The following ATF7IP variants were observed in gnomAD, a reference collection of about 807,000 sequenced individuals.
The protein encoded by ATF7IP is activating transcription factor 7-interacting protein 1.
Under a neutral mutation model 106.4 loss-of-function variants are expected in ATF7IP, and 23 were observed. That is an observed-to-expected ratio of 0.22 (90% CI 0.16 to 0.31). ATF7IP has a LOEUF of 0.31. ATF7IP is among the 10% of genes least tolerant of loss of function. ATF7IP has a pLI of 1.00. For missense variants in ATF7IP, 1,334 were observed against 1,524.3 expected, an observed-to-expected ratio of 0.88 and a Z score of 2.08; for synonymous variants, 542 against 539.0, an observed-to-expected ratio of 1.01 and a Z score of -0.08.
At chr12:14,466,928 T>C (rs146901393) in intron 10 of ATF7IP, among the ~76,000 whole-genome samples, 90 of 152,250 alleles carry the variant, frequency 5.9e-4, no homozygotes, top group African/African-American at 2.1e-3. Context: ...TCCAGGTACA[T>C]CTTTTTTAAG....
chr12:14,474,403 ATTTT>A (rs764191499), intron 10 of ATF7IP, among the ~76,000 whole-genome samples: 1 of 129,058 alleles, frequency 7.7e-6, no homozygotes. Flanking sequence ...AATTCTTTGA[ATTTT>A]TTTTTTTTTT....
At chr12:14,470,843 TAATA>T (rs1565540571) in intron 10 of ATF7IP, among the ~76,000 whole-genome samples, 3 of 152,220 alleles carry the variant, frequency 2.0e-5, no homozygotes, top group Non-Finnish European at 1.5e-5. Context: ...TAGTATATGA[TAATA>T]AATTGTATCT....
chr12:14,425,134 G>T lies in ATF7IP; in HGVS notation c.1219G>T (p.Val407Leu), dbSNP rs767910477. The T allele has an allele frequency of 6.3e-7, 1 of 1,592,866 alleles. No individual in the cohort carries two copies. ...KNEDETSADL[V>L]ETINENVIED... ...TGAAGATGAAACTTCTGCAGATCTT[G>T]TAGAAACGATTAATGAAAATGTTAT... Residue 407 changes from valine (V) to leucine (L), a missense_variant, in exon 2 of 15, where the codon GTA becomes TTA. This residue lies in a region of ATF7IP where 438 missense variants were observed against 405.3 expected (regional missense o/e 1.08). Coordinates refer to ENST00000261168, the MANE Select transcript of ATF7IP (RefSeq NM_018179.5).
intron 2 of ATF7IP, among the ~76,000 whole-genome samples, chr12:14,432,419 CAA>C (rs910303401): frequency 3.9e-5 from 6 of 152,046 alleles, no homozygotes; most frequent in African/African-American, 7.2e-5. Flanking sequence ...AGAAAGCAAA[CAA>C]ATTTTTATTT....
intron 1 of ATF7IP, among the ~76,000 whole-genome samples, chr12:14,405,403 CTTTTTTTTTTTTTTTTTT>C (rs145211652): frequency 9.6e-5 from 8 of 83,558 alleles, no homozygotes; most frequent in African/African-American, 3.2e-4. Context: ...TTTCTTTCAT[CTTTTTTTTTTTTTTTTTT>C]TTTTTTTTTT....
At chr12:14,463,120 A>T (rs1467384374) in intron 9 of ATF7IP, among the ~76,000 whole-genome samples, 1 of 152,130 alleles carries the variant, frequency 6.6e-6, no homozygotes, top group Non-Finnish European at 1.5e-5. Context: ...CCCAAAACCT[A>T]AACTGAAACC....
At chr12:14,437,942 A>G (rs961431751) in intron 4 of ATF7IP, among the ~76,000 whole-genome samples, 188 bp from the exon 5 acceptor site, 3 of 151,736 alleles carry the variant, frequency 2.0e-5, no homozygotes, top group African/African-American at 7.3e-5. Flanking sequence ...AGTCCCAGCT[A>G]CTTGGGAGGC....
chr12:14,381,350 G>C (rs1938995608), intron 1 of ATF7IP, among the ~76,000 whole-genome samples: 1 of 152,098 alleles, frequency 6.6e-6, no homozygotes, highest in South Asian at 2.1e-4. Context: ...TTGTGCCTGA[G>C]CCTCCCTGAG....
chr12:14,418,073 A>G (rs927590075), intron 1 of ATF7IP, among the ~76,000 whole-genome samples: 8 of 152,166 alleles, frequency 5.3e-5, no homozygotes, highest in Non-Finnish European at 1.0e-4. Flanking sequence ...TAATGTTTTC[A>G]TTTAAAGAAG....
rs192117415 is a variant in ATF7IP at position 14,396,971 on chromosome 12, A to C, written c.-7-26938A>C. 1.2e-3 allele frequency among the ~76,000 whole-genome samples: 188 copies of C among 152,006 alleles called. 2 individuals carry two copies. The highest frequency in any genetic ancestry group is 4.3e-3 in the African/African-American group (180 of 41,460). On this transcript the variant is annotated intron_variant, in intron 1 of 14. Transcript: ENST00000261168. ...AGGTCAGGAGTTCGAGACCAGCCTG[A>C]CTAACATGGTGAAACCCCGTTTCTA... is the stretch of plus-strand genomic sequence containing the variant.
rs1945075428 is a variant in ATF7IP at position 14,498,394 on chromosome 12, A to G, written c.*321A>G. Reference sequence around the variant, plus strand: ...TATTGCATTGGAGTCTCCCATTTTCATTCTCAAATTTACCTCTTAAAGTAC... The same window carrying G: ...TATTGCATTGGAGTCTCCCATTTTCGTTCTCAAATTTACCTCTTAAAGTAC... On this transcript the variant is annotated 3_prime_UTR_variant, in exon 15 of 15. Transcript: ENST00000261168. 1 of 233,512 alleles carries G rather than the reference A, an allele frequency of 4.3e-6. No homozygotes were observed. Among genetic ancestry groups the G allele is most frequent in the Non-Finnish European group, 8.3e-6 (1 of 120,230 alleles). 14.5% of individuals were successfully genotyped at this position (233,512 alleles called of 1,614,324 possible).
At chr12:14,414,373 T>C (rs1409247356) in intron 1 of ATF7IP, among the ~76,000 whole-genome samples, 1 of 152,234 alleles carries the variant, frequency 6.6e-6, no homozygotes, top group Non-Finnish European at 1.5e-5. Context: ...AAAATAAGCT[T>C]GTCCTGCCGA....
In ATF7IP at chr12:14,499,882, T is replaced by C. The variant is rs776259670; in HGVS notation, c.*1809T>C. On this transcript the variant is annotated 3_prime_UTR_variant, in exon 15 of 15. Transcript: ENST00000261168. ...GGTCATTTTATGTAACAATTAGATA[T>C]AACCTCCTGTGTATCTCTCTGTTCC... The C allele has an allele frequency of 2.6e-5, 4 of 152,208 alleles. No homozygotes were observed. Among genetic ancestry groups the C allele is most frequent in the African/African-American group, 7.2e-5 (3 of 41,452 alleles). 9.4% of individuals were successfully genotyped at this position (152,208 alleles called of 1,614,324 possible). A position where few individuals can be genotyped will look rare whatever the true frequency, so the allele number is the denominator to read the frequency against.
intron 6 of ATF7IP, among the ~76,000 whole-genome samples, chr12:14,450,475 TTA>T (rs1371778836): frequency 3.3e-5 from 5 of 152,260 alleles, no homozygotes; most frequent in Non-Finnish European, 7.3e-5. Context: ...ACATTGATTT[TTA>T]TATCTTGACC....
At chr12:14,372,020 A>G (rs915039648) in intron 1 of ATF7IP, among the ~76,000 whole-genome samples, 11 of 152,148 alleles carry the variant, frequency 7.2e-5, no homozygotes, top group Non-Finnish European at 1.3e-4. Context: ...AATGTCATTA[A>G]TTAGCTTCAG....
intron 6 of ATF7IP, among the ~76,000 whole-genome samples, chr12:14,451,472 T>G (rs1161088601): frequency 6.6e-6 from 1 of 152,196 alleles, no homozygotes; most frequent in East Asian, 1.9e-4. Context: ...AAAGCTAGAT[T>G]GTTGATTTGA....
At chr12:14,402,820 A>C (rs1244662512) in intron 1 of ATF7IP, among the ~76,000 whole-genome samples, 3 of 152,082 alleles carry the variant, frequency 2.0e-5, no homozygotes, top group African/African-American at 7.2e-5. Context: ...CTGGTCTTGA[A>C]CTTCTGAGCT....
At chr12:14,422,366 A>G (rs1166439440) in intron 1 of ATF7IP, among the ~76,000 whole-genome samples, 1 of 150,240 alleles carries the variant, frequency 6.7e-6, no homozygotes, top group African/African-American at 2.4e-5. Flanking sequence ...CAACCTTTGT[A>G]TTTATTTTGA....
At chr12:14,411,370 A>G (rs1940905295) in intron 1 of ATF7IP, among the ~76,000 whole-genome samples, 1 of 152,098 alleles carries the variant, frequency 6.6e-6, no homozygotes, top group African/African-American at 2.4e-5. Context: ...CTGATGACTA[A>G]TGATGTTTAC....
Sources: allele counts gnomAD v4.1 joint callset (sites outside exome capture counted in the v4.1 genomes callset), GRCh38; gene constraint gnomAD v4.1.1; regional missense constraint gnomAD v4.1.1; transcripts MANE v1.5; gene names NCBI Gene and HGNC (gene_info 2026-07-23, HGNC 2026-07-21).